Variants in SCN10A observed in about 807,000 individuals in gnomAD.
SCN10A encodes sodium voltage-gated channel alpha subunit 10, also known as sodium channel protein type 10 subunit alpha.
Under a neutral mutation model 170.7 loss-of-function variants are expected in SCN10A, and 162 were observed. The ratio of observed to expected loss-of-function variants is 0.95; its 90% CI spans 0.84 to 1.08. SCN10A has a LOEUF of 1.08. SCN10A is among the 50% of genes least tolerant of loss of function. The pLI is 0.00. For synonymous variants in SCN10A, 985 were observed against 904.6 expected (o/e 1.09, Z -1.59); for missense variants, 2,527 against 2,436.9 (o/e 1.04, Z -0.78).
At chr3:38,740,125 C>T (rs2063615528) in intron 14 of SCN10A, among the ~76,000 whole-genome samples, 2 of 152,200 alleles carry the variant, frequency 1.3e-5, no homozygotes. Context: ...TCAATTTCCT[C>T]ATCTGTATAA....
Position 38,757,161 on chromosome 3 carries a change from T to C in SCN10A, c.951-2A>G. ...CAGATATAACCATCAGGGCAGTGGCTGCAGCAAGAACAGAGAAGGTCATCC... is the reference window on the plus strand; with the variant it reads ...CAGATATAACCATCAGGGCAGTGGCCGCAGCAAGAACAGAGAAGGTCATCC... On this transcript the variant is annotated splice_acceptor_variant, in intron 8 of 27. Transcript: ENST00000449082. LOFTEE classifies it high-confidence loss of function. 6.3e-7 allele frequency: 1 copy of C among 1,594,944 alleles called. No homozygotes were observed. Among genetic ancestry groups the C allele is most frequent in the Non-Finnish European group, 8.5e-7 (1 of 1,171,616 alleles).
rs761871771 is a variant in SCN10A, at chr3:38,756,676, C to T, written c.1288G>A (p.Glu430Lys). 5.0e-6 allele frequency: 8 copies of T among 1,612,516 alleles called. No homozygotes were observed. The highest frequency in any genetic ancestry group is 6.8e-6 in the Non-Finnish European group (8 of 1,179,072). ...CAAAGCTTCCACTCCTCACAAACCT[C>T]CTGCTCCTTCCGGAGCATCTCGAGG... ...EALEMLRKEQ[E>K]VLAALGIDTT... The change falls in exon 10 of 28, where the codon GAG becomes AAG. Residue 430 changes from glutamate to lysine, a missense_variant and splice_region_variant. By Grantham distance (56) the Glu-to-Lys change is moderately conservative. Coordinates refer to ENST00000449082, the MANE Select transcript of SCN10A (RefSeq NM_006514.4).
At chr3:38,700,420 A>G (rs1450265343) in intron 27 of SCN10A, among the ~76,000 whole-genome samples, 2 of 152,238 alleles carry the variant, frequency 1.3e-5, no homozygotes, top group African/African-American at 4.8e-5. Context: ...AAATTTGCCA[A>G]GAGAATAAAT....
intron 15 of SCN10A, among the ~76,000 whole-genome samples, chr3:38,732,461 A>C (rs2063521739): frequency 6.6e-6 from 1 of 152,236 alleles, no homozygotes; most frequent in Non-Finnish European, 1.5e-5. Flanking sequence ...ATGTGCTGTG[A>C]GACATACATC....
intron 26 of SCN10A, among the ~76,000 whole-genome samples, chr3:38,706,780 G>A (rs758433908): frequency 2.0e-5 from 3 of 152,132 alleles, no homozygotes; most frequent in Non-Finnish European, 4.4e-5. Context: ...GATAACTTTT[G>A]GTTCCTACTG....
At chr3:38,755,071 A>C (rs911832322) in intron 11 of SCN10A, among the ~76,000 whole-genome samples, 96 of 152,000 alleles carry the variant, frequency 6.3e-4, no homozygotes, top group Non-Finnish European at 1.1e-3. Context: ...GGGGGAAAAG[A>C]ATTGCTACAG....
At chr3:38,764,986 C>T (rs577033710) in intron 5 of SCN10A, among the ~76,000 whole-genome samples, 8 of 151,694 alleles carry the variant, frequency 5.3e-5, no homozygotes, top group South Asian at 2.1e-4. Context: ...TTTTCCTGTT[C>T]ATTGGCCATT....
At chr3:38,738,296 G>A (rs2063592613) in intron 15 of SCN10A, among the ~76,000 whole-genome samples, 1 of 152,126 alleles carries the variant, frequency 6.6e-6, no homozygotes, top group Non-Finnish European at 1.5e-5. Context: ...CTTTGGGTCT[G>A]CCTAGGTGAA....
chr3:38,723,508 G>C lies in SCN10A; in HGVS notation c.3274C>G (p.Leu1092Val). 1 of 1,612,686 alleles carries C rather than the reference G, an allele frequency of 6.2e-7. No homozygotes were observed. Among genetic ancestry groups the C allele is most frequent in the South Asian group, 1.1e-5 (1 of 90,772 alleles). Residue 1092 changes from leucine (L) to valine (V), a missense_variant, in exon 19 of 28, where the codon CTA becomes GTA. Transcript: ENST00000449082. ...SSSEGSTVDCLDPEEILRKIP... is the reference protein window; with the variant it reads ...SSSEGSTVDCVDPEEILRKIP... ...TTCCTCAGGATTTCCTCAGGATCTA[G>C]GCAGTCCACCGTGCTGCCCTCAGAG...
At chr3:38,734,376 G>T (rs1034731221) in intron 15 of SCN10A, among the ~76,000 whole-genome samples, 12 of 151,928 alleles carry the variant, frequency 7.9e-5, no homozygotes, top group Admixed American at 6.6e-4. Context: ...ACCAAAACCT[G>T]GCAAGGACAA....
chr3:38,738,535 A>T (rs1267392572), intron 15 of SCN10A, among the ~76,000 whole-genome samples: 2 of 152,238 alleles, frequency 1.3e-5, no homozygotes, highest in Admixed American at 6.5e-5. Context: ...CAACCTCTGG[A>T]TGCCAACACT....
intron 1 of SCN10A, among the ~76,000 whole-genome samples, chr3:38,815,610 G>C (rs897647092): frequency 1.3e-5 from 2 of 152,182 alleles, no homozygotes; most frequent in African/African-American, 4.8e-5. Context: ...TTTGCTTTCT[G>C]TGCCCCTTTT....
chr3:38,756,616 A>G (rs2063807797), intron 10 of SCN10A, 58 bp downstream of exon 10: 2 of 1,414,956 alleles, frequency 1.4e-6, no homozygotes, highest in Admixed American at 3.4e-5. Context: ...AGTCCAGAAC[A>G]GTATCCAAGA....
At position 38,792,144 on chromosome 3, in the gene SCN10A, T is replaced by TC; in HGVS notation, c.294dup (p.Arg99GlufsTer7). 1 of 1,613,804 alleles carries TC rather than the reference T, an allele frequency of 6.2e-7. No individual in the cohort carries two copies. The highest frequency in any genetic ancestry group is 1.7e-5 in the Admixed American group (1 of 60,010). On this transcript the variant is annotated frameshift_variant, in exon 3 of 28. Coordinates refer to ENST00000449082, the MANE Select transcript of SCN10A (RefSeq NM_006514.4). LOFTEE classifies it high-confidence loss of function. ...GTGGCACTAAACCGGGAAATGGTCC[T>TC]CCCTTTGTTCAGCACCATAAATGTC...
At position 38,712,323 on chromosome 3, in the gene SCN10A, C is replaced by A; in HGVS notation, c.3927G>T (p.Arg1309Ser). ...ACTCTCCATCGGTATAGTTGATGCA[C>A]CTCCAAAACTTCCCTGCGAAGAGGT... is the stretch of plus-strand genomic sequence containing the variant. ...GVNLFAGKFW[R>S]CINYTDGEFS... is the part of the protein sequence containing the mutation. Residue 1309 changes from arginine to serine, a missense_variant, in exon 23 of 28, where the codon AGG becomes AGT. Physicochemically the swap from Arg to Ser is moderately radical, Grantham distance 110. Coordinates refer to ENST00000449082, the MANE Select transcript of SCN10A (RefSeq NM_006514.4). The A allele has an allele frequency of 6.2e-7, 1 of 1,614,214 alleles. No homozygotes were observed. The highest frequency in any genetic ancestry group is 8.5e-7 in the Non-Finnish European group (1 of 1,180,030).
chr3:38,814,554 C>T (rs2064460285), intron 1 of SCN10A, among the ~76,000 whole-genome samples: 1 of 152,158 alleles, frequency 6.6e-6, no homozygotes, highest in African/African-American at 2.4e-5. Context: ...TTGTGAAAGA[C>T]CCTTTACTAC....
In SCN10A at chr3:38,756,816, A is replaced by G; in HGVS notation, c.1148T>C (p.Leu383Pro). 1.9e-6 allele frequency: 3 copies of G among 1,614,244 alleles called. No individual in the cohort carries two copies. The South Asian group carries it at 3.3e-5, about 18-fold the overall frequency. Residue 383 changes from leucine to proline, a missense_variant, in exon 10 of 28, where the codon CTG (leucine) becomes CCG (proline). Leu to Pro is a moderately conservative substitution (Grantham distance 98). Transcript: ENST00000449082. Reference protein sequence around the residue: ...YMIFFVLVIFLGSFYLVNLIL... With the variant: ...YMIFFVLVIFPGSFYLVNLIL... ...CAAGTTGACCAGGTAGAAAGATCCC[A>G]GGAAGATTACGAGCACAAAAAAGAT...
chr3:38,725,194 C>G lies in SCN10A; in HGVS notation c.3208G>C (p.Val1070Leu), dbSNP rs759031742. The G allele has an allele frequency of 1.9e-6, 3 of 1,603,856 alleles. No individual in the cohort carries two copies. In the Admixed American group the frequency reaches 5.0e-5, roughly 27 times the overall value. ...SLGETWKDES[V>L]PQVPAEGVDD... is the part of the protein sequence containing the mutation. ...CCTACCTCAGCAGGGACCTGAGGAACAGACTCATCTTTCCACGTCTCACCC... is the reference window on the plus strand; with the variant it reads ...CCTACCTCAGCAGGGACCTGAGGAAGAGACTCATCTTTCCACGTCTCACCC... Residue 1070 changes from valine (V) to leucine (L), a missense_variant, in exon 18 of 28, where the codon GTT (valine) becomes CTT (leucine). Transcript: ENST00000449082.
intron 20 of SCN10A, among the ~76,000 whole-genome samples, chr3:38,720,792 C>A (rs534576907): frequency 3.9e-5 from 6 of 152,242 alleles, no homozygotes; most frequent in Admixed American, 6.5e-5. Flanking sequence ...GGCCCACAAG[C>A]CAATGACGTA....
Sources: gnomAD v4.1 joint callset for allele counts (sites outside exome capture counted in the v4.1 genomes callset) on GRCh38, gnomAD v4.1.1 for gene constraint, MANE v1.5 for transcripts, NCBI Gene and HGNC (gene_info 2026-07-23, HGNC 2026-07-21) for gene names.